PRKAR1A: variants seen among roughly 807,000 people sequenced by gnomAD.
The protein encoded by PRKAR1A is cAMP-dependent protein kinase type I-alpha regulatory subunit.
PRKAR1A carries 3 observed loss-of-function variants against 52.0 expected under a neutral mutation model. The observed-to-expected ratio is 0.06, with a 90% confidence interval of 0.03 to 0.15. PRKAR1A has a LOEUF of 0.15. Among genes scored for constraint, PRKAR1A ranks in the 10% least tolerant of loss-of-function variants. The pLI, the probability that PRKAR1A is intolerant of heterozygous loss-of-function variation, is 1.00. For missense variants in PRKAR1A, 240 were observed against 477.4 expected (o/e 0.50, Z 4.63); for synonymous variants, 188 against 168.4 (o/e 1.12, Z -0.90).
intron 2 of PRKAR1A, among the ~76,000 whole-genome samples, chr17:68,521,823 C>T (rs1013410188): frequency 6.6e-6 from 1 of 152,060 alleles, no homozygotes; most frequent in African/African-American, 2.4e-5. Context: ...AAAGAAATAA[C>T]GGGTCAAATG....
chr17:68,493,567 C>G, the PRKAR1A span: 1 of 151,308 alleles, frequency 6.6e-6, no homozygotes, highest in Non-Finnish European at 1.5e-5. Context: ...ATTCTTTGCA[C>G]TGATGCCAAA....
At chr17:68,526,367 TAAACA>T (rs1267145837) in intron 7 of PRKAR1A, among the ~76,000 whole-genome samples, 2 of 152,226 alleles carry the variant, frequency 1.3e-5, no homozygotes, top group East Asian at 1.9e-4. Context: ...GTTAAAGGAA[TAAACA>T]AAATACTAAA....
At chr17:68,525,935 AGT>A (rs749853668) in intron 7 of PRKAR1A, 23 bp downstream of exon 7, 53 of 1,612,464 alleles carry the variant, frequency 3.3e-5, no homozygotes, top group Non-Finnish European at 4.3e-5. Context: ...GGTGTTTGAG[AGT>A]GTGATTTAGA....
the PRKAR1A span, among the ~76,000 whole-genome samples, chr17:68,494,735 G>T: frequency 3.3e-5 from 5 of 151,666 alleles, no homozygotes. Flanking sequence ...GCTGGGCCTG[G>T]TATATCAATC....
chr17:68,532,327 A>G lies in PRKAR1A; in HGVS notation c.*1878A>G. 4.7e-6 allele frequency: 5 copies of G among 1,054,136 alleles called. No individual in the cohort carries two copies. Among genetic ancestry groups the G allele is most frequent in the Non-Finnish European group, 5.8e-6 (5 of 868,936 alleles). The allele number at this position is 1,054,136 out of a possible 1,614,324, so 65.3% of individuals were successfully genotyped here. ...CATAAAATTGCAGTTTCATGTATGTATATAATCATGCTCATGTATATTTAG... is the reference window on the plus strand; with the variant it reads ...CATAAAATTGCAGTTTCATGTATGTGTATAATCATGCTCATGTATATTTAG... On this transcript the variant is annotated 3_prime_UTR_variant, in exon 11 of 11. Coordinates refer to ENST00000589228, the MANE Select transcript of PRKAR1A (RefSeq NM_002734.5).
At chr17:68,495,679 C>G in the PRKAR1A span, among the ~76,000 whole-genome samples, 2 of 152,076 alleles carry the variant, frequency 1.3e-5, no homozygotes, top group Non-Finnish European at 2.9e-5. Context: ...ATGTCTATTT[C>G]TTCTACTTAT....
Position 68,519,632 on chromosome 17 carries a change from G to A in PRKAR1A, c.178-3124G>A, listed in dbSNP as rs538227884. On this transcript the variant is annotated intron_variant, in intron 2 of 10. Transcript: ENST00000589228. ...TCTCATCACCTTCTTCGTCATTACT[G>A]GGGGGTTGTGTTTCTGTTACCTTCA... is the stretch of plus-strand genomic sequence containing the variant. Among the ~76,000 whole-genome samples the A allele has an allele frequency of 4.6e-5, 7 of 152,274 alleles. 1 individual carries two copies. The South Asian group carries it at 1.0e-3, about 23-fold the overall frequency.
intron 2 of PRKAR1A, among the ~76,000 whole-genome samples, chr17:68,519,992 C>T (rs1028163115): frequency 6.6e-6 from 1 of 152,220 alleles, no homozygotes; most frequent in African/African-American, 2.4e-5. Context: ...ATACAACCCC[C>T]AAATTTCAGT....
chr17:68,530,662 T>C lies in PRKAR1A; in HGVS notation c.*213T>C, dbSNP rs976682048. Reference sequence around the variant, plus strand: ...AGTTAAATAAATAGAAAGAGTTCTATGGAGACTTTGCTGTTACTGCTTCTC... The same window carrying C: ...AGTTAAATAAATAGAAAGAGTTCTACGGAGACTTTGCTGTTACTGCTTCTC... On this transcript the variant is annotated 3_prime_UTR_variant, in exon 11 of 11. Coordinates refer to ENST00000589228, the MANE Select transcript of PRKAR1A (RefSeq NM_002734.5). The C allele has an allele frequency of 2.8e-6, 4 of 1,452,448 alleles. No homozygotes were observed. Among genetic ancestry groups the C allele is most frequent in the Admixed American group, 4.7e-5 (2 of 42,878 alleles). The allele number at this position is 1,452,448 out of a possible 1,614,324, so 90.0% of individuals were successfully genotyped here.
the PRKAR1A span, among the ~76,000 whole-genome samples, chr17:68,499,272 C>T: frequency 1.3e-5 from 2 of 152,000 alleles, no homozygotes; most frequent in African/African-American, 4.8e-5. Context: ...CTGCACATTT[C>T]CTCTGCTGGA....
Position 68,532,788 on chromosome 17 carries a change from C to T in PRKAR1A, c.*2339C>T, listed in dbSNP as rs2086012770. 5 of 1,066,290 alleles carry T rather than the reference C, an allele frequency of 4.7e-6. No individual in the cohort carries two copies. The highest frequency in any genetic ancestry group is 5.7e-6 in the Non-Finnish European group (5 of 879,724). The allele number at this position is 1,066,290 out of a possible 1,614,324, so 66.1% of individuals were successfully genotyped here. A position where few individuals can be genotyped will look rare whatever the true frequency, so the allele number is the denominator to read the frequency against. On this transcript the variant is annotated 3_prime_UTR_variant, in exon 11 of 11. Coordinates refer to ENST00000589228, the MANE Select transcript of PRKAR1A (RefSeq NM_002734.5). ...TTCTTAAATGAATCAGTTTTTCTTC[C>T]CTTTCTCCTTTCCGTCTTTCCTCTC... is the stretch of plus-strand genomic sequence containing the variant.
chr17:68,498,394 C>A, the PRKAR1A span, among the ~76,000 whole-genome samples: 4 of 152,154 alleles, frequency 2.6e-5, no homozygotes, highest in African/African-American at 4.8e-5. Flanking sequence ...ATTTTAACAT[C>A]ATTTCATTAC....
chr17:68,467,441 G>C, the PRKAR1A span, among the ~76,000 whole-genome samples: 2 of 152,104 alleles, frequency 1.3e-5, no homozygotes, highest in East Asian at 3.9e-4. Context: ...CTGTTTTTTT[G>C]TTTTTGTTTT....
intron 2 of PRKAR1A, among the ~76,000 whole-genome samples, chr17:68,521,760 G>A (rs577274450): frequency 6.6e-6 from 1 of 152,334 alleles, no homozygotes; most frequent in African/African-American, 2.4e-5. Context: ...TTTCTTGAAT[G>A]CTGCCAATGT....
At chr17:68,450,735 T>G in the PRKAR1A span, 1 of 1,610,500 alleles carries the variant, frequency 6.2e-7, no homozygotes, top group Non-Finnish European at 8.5e-7. Flanking sequence ...TACTTGCCGG[T>G]TCAGCCTTAT....
chr17:68,548,613 C>T (rs941778337), intron 11 of PRKAR1A, among the ~76,000 whole-genome samples: 2 of 151,588 alleles, frequency 1.3e-5, no homozygotes, highest in African/African-American at 2.4e-5. Context: ...GGGAAAATGA[C>T]ACCGATAGAC....
chr17:68,489,670 C>A, the PRKAR1A span, among the ~76,000 whole-genome samples: 1 of 151,670 alleles, frequency 6.6e-6, no homozygotes, highest in Non-Finnish European at 1.5e-5. Flanking sequence ...CATGCCTCAG[C>A]CTCCCAAGTA....
the PRKAR1A span, among the ~76,000 whole-genome samples, chr17:68,436,758 A>G: frequency 6.6e-6 from 1 of 152,196 alleles, no homozygotes; most frequent in Admixed American, 6.5e-5. Context: ...TAATTCCAGC[A>G]CTTTGAGGCG....
chr17:68,542,569 CATA>C, intron 11 of PRKAR1A: 1 of 778,046 alleles, frequency 1.3e-6, no homozygotes, highest in Non-Finnish European at 2.3e-6. Flanking sequence ...CTTACAACTT[CATA>C]CGCCCATCCC....
Sources: gnomAD v4.1 joint callset for allele counts (sites outside exome capture counted in the v4.1 genomes callset) on GRCh38, gnomAD v4.1.1 for gene constraint, MANE v1.5 for transcripts, NCBI Gene and HGNC (gene_info 2026-07-23, HGNC 2026-07-21) for gene names.